The following PPFIA2 variants were observed in gnomAD, a reference collection of about 807,000 sequenced individuals.
PPFIA2 encodes the protein liprin-alpha-2.
Under a neutral mutation model 175.5 loss-of-function variants are expected in PPFIA2, and 46 were observed. The ratio of observed to expected loss-of-function variants is 0.26; its 90% CI spans 0.21 to 0.34. The LOEUF (loss-of-function observed/expected upper bound fraction) is 0.34, where lower values mean the gene tolerates loss of function less well. Among genes scored for constraint, PPFIA2 ranks in the 10% least tolerant of loss-of-function variants. The pLI, the probability that PPFIA2 is intolerant of heterozygous loss-of-function variation, is 1.00. For synonymous variants in PPFIA2, 568 were observed against 511.4 expected, an observed-to-expected ratio of 1.11 and a Z score of -1.49; for missense variants, 1,179 against 1,506.1, an observed-to-expected ratio of 0.78 and a Z score of 3.60.
intron 5 of PPFIA2, among the ~76,000 whole-genome samples, chr12:81,446,337 C>G (rs1383912207): frequency 1.3e-5 from 2 of 152,126 alleles, no homozygotes; most frequent in Non-Finnish European, 2.9e-5. Flanking sequence ...TATGATTTCC[C>G]AGAGTAGCCT....
intron 7 of PPFIA2, chr12:81,417,424 T>C (rs1213550388): frequency 6.6e-6 from 1 of 151,582 alleles, no homozygotes; most frequent in Admixed American, 6.6e-5. Flanking sequence ...TCTATTATTT[T>C]AGTTCTATTA....
chr12:81,656,892 A>G (rs1478702642), intron 4 of PPFIA2, among the ~76,000 whole-genome samples: 1 of 152,048 alleles, frequency 6.6e-6, no homozygotes, highest in Non-Finnish European at 1.5e-5. Flanking sequence ...TAAAATCTTT[A>G]GGGCATATTC....
intron 4 of PPFIA2, among the ~76,000 whole-genome samples, chr12:81,495,622 T>G (rs970177145): frequency 2.6e-5 from 4 of 151,896 alleles, no homozygotes; most frequent in African/African-American, 7.3e-5. Context: ...CTGGGCAACA[T>G]AGTGAAACCC....
intron 4 of PPFIA2, among the ~76,000 whole-genome samples, chr12:81,508,380 G>A (rs1428263955): frequency 6.6e-6 from 1 of 151,704 alleles, no homozygotes; most frequent in Non-Finnish European, 1.5e-5. Context: ...AATTAGCCTG[G>A]TATGGTGGCA....
chr12:81,652,924 T>C (rs932399430), intron 4 of PPFIA2, among the ~76,000 whole-genome samples: 1 of 152,106 alleles, frequency 6.6e-6, no homozygotes. Flanking sequence ...CATGAGCATC[T>C]ATCCAGTAGT....
chr12:81,287,802 C>T (rs921256648), intron 24 of PPFIA2, among the ~76,000 whole-genome samples: 3 of 151,742 alleles, frequency 2.0e-5, no homozygotes, highest in Non-Finnish European at 4.4e-5. Context: ...GATTGGGAAA[C>T]TGAGCAATCA....
intron 4 of PPFIA2, among the ~76,000 whole-genome samples, chr12:81,608,359 A>G (rs1432212124): frequency 2.0e-5 from 3 of 152,210 alleles, no homozygotes; most frequent in Non-Finnish European, 4.4e-5. Flanking sequence ...GAATAGTTTC[A>G]GTAGGATTGG....
chr12:81,435,008 C>T (rs1405559948), intron 7 of PPFIA2, among the ~76,000 whole-genome samples: 1 of 151,970 alleles, frequency 6.6e-6, no homozygotes, highest in Non-Finnish European at 1.5e-5. Context: ...TTATTCTATG[C>T]AACTTCATTC....
At chr12:81,532,780 C>T (rs1439196936) in intron 4 of PPFIA2, among the ~76,000 whole-genome samples, 1 of 151,676 alleles carries the variant, frequency 6.6e-6, no homozygotes, top group Non-Finnish European at 1.5e-5. Context: ...AGCTATGACT[C>T]TTATTTGTTT....
At chr12:81,616,353 C>A (rs1348645069) in intron 4 of PPFIA2, among the ~76,000 whole-genome samples, 1 of 152,060 alleles carries the variant, frequency 6.6e-6, no homozygotes, top group Non-Finnish European at 1.5e-5. Context: ...CTGATGGTCT[C>A]TTCTAATTCC....
At chr12:81,288,082 A>G (rs934003154) in intron 24 of PPFIA2, among the ~76,000 whole-genome samples, 48 of 151,962 alleles carry the variant, frequency 3.2e-4, no homozygotes, top group African/African-American at 1.1e-3. Context: ...ATCAAATTAG[A>G]ATCAAGGGGC....
intron 3 of PPFIA2, among the ~76,000 whole-genome samples, chr12:81,751,566 T>C (rs1386054613): frequency 4.8e-5 from 7 of 144,640 alleles, no homozygotes; most frequent in African/African-American, 1.5e-4. Flanking sequence ...CACACACACA[T>C]ATACAGAGAG....
intron 5 of PPFIA2, among the ~76,000 whole-genome samples, chr12:81,446,970 C>T (rs183171592): frequency 5.8e-4 from 88 of 152,118 alleles, no homozygotes; most frequent in African/African-American, 2.1e-3. Flanking sequence ...AGACACTAAA[C>T]ATGCATAAAT....
chr12:81,741,831 G>A (rs1019797346), intron 3 of PPFIA2, among the ~76,000 whole-genome samples: 3 of 152,110 alleles, frequency 2.0e-5, no homozygotes, highest in African/African-American at 7.2e-5. Flanking sequence ...CACTATACTA[G>A]GTGGTTATAA....
chr12:81,601,123 G>C (rs2059747118), intron 4 of PPFIA2, among the ~76,000 whole-genome samples: 1 of 151,878 alleles, frequency 6.6e-6, no homozygotes, highest in East Asian at 1.9e-4. Context: ...TGGTGGGGGA[G>C]GAGATGAAAA....
At chr12:81,596,188 T>A (rs2059226773) in intron 4 of PPFIA2, among the ~76,000 whole-genome samples, 1 of 151,920 alleles carries the variant, frequency 6.6e-6, no homozygotes, top group Non-Finnish European at 1.5e-5. Flanking sequence ...AATCATTCAG[T>A]ATAATTGTAA....
intron 8 of PPFIA2, among the ~76,000 whole-genome samples, chr12:81,384,778 G>T (rs2038558305): frequency 6.6e-6 from 1 of 151,964 alleles, no homozygotes; most frequent in African/African-American, 2.4e-5. Flanking sequence ...GACCTAGCTG[G>T]AACAAACATA....
intron 29 of PPFIA2, chr12:81,267,393 G>T: frequency 3.1e-6 from 1 of 327,696 alleles, no homozygotes; most frequent in South Asian, 2.5e-5. Flanking sequence ...TCTCAAACCT[G>T]GCCAATGATT....
intron 4 of PPFIA2, among the ~76,000 whole-genome samples, chr12:81,563,218 CACT>C (rs1226096569): frequency 1.3e-5 from 2 of 152,074 alleles, no homozygotes; most frequent in Non-Finnish European, 2.9e-5. Context: ...TTTGTGACTC[CACT>C]ACTTAGTCTG....
Sources: allele counts gnomAD v4.1 joint callset (sites outside exome capture counted in the v4.1 genomes callset), GRCh38; gene constraint gnomAD v4.1.1; transcripts MANE v1.5; gene names NCBI Gene and HGNC (gene_info 2026-07-23, HGNC 2026-07-21).